The following SLC23A1 variants were observed in gnomAD, a reference collection of about 807,000 sequenced individuals.
SLC23A1 encodes solute carrier family 23 member 1, also known as Na(+)/L-ascorbic acid transporter 1.
A neutral mutation model predicts 62.5 loss-of-function variants in SLC23A1; 31 were observed. The observed-to-expected ratio is 0.50, with a 90% CI of 0.37 to 0.67. The LOEUF (loss-of-function observed/expected upper bound fraction) is 0.67. Among genes scored for constraint, SLC23A1 ranks in the 30% least tolerant of loss-of-function variants. The pLI is 0.00. For synonymous variants in SLC23A1, 271 were observed against 313.2 expected (o/e 0.87, Z 1.42); for missense variants, 640 against 782.7 (o/e 0.82, Z 2.18).
In SLC23A1 at chr5:139,378,208, C is replaced by T. The variant is rs1201411145; in HGVS notation, c.1309+14G>A. Reference sequence around the variant, plus strand: ...GACCCGCACCGCGACCCGTGGCCCGCGCCAGACACTCACCAAAGAGAGTGC... The same window carrying T: ...GACCCGCACCGCGACCCGTGGCCCGTGCCAGACACTCACCAAAGAGAGTGC... On this transcript the variant is annotated intron_variant, in intron 11 of 14. Transcript: ENST00000348729. The surrounding 1 kb of genome is among the most constrained non-coding windows in gnomAD (Gnocchi z 4.5). 6.2e-7 allele frequency: 1 copy of T among 1,612,986 alleles called. No individual in the cohort carries two copies. Among genetic ancestry groups the T allele is most frequent in the Non-Finnish European group, 8.5e-7 (1 of 1,179,582 alleles).
At chr5:139,384,347 A>G, upstream of SLC23A1, 1 of 1,281,146 alleles carries the variant, frequency 7.8e-7, no homozygotes, top group Non-Finnish European at 1.0e-6. Context: ...AGCACTCTAG[A>G]GCCCACCTAC....
At chr5:139,377,544 G>C (rs1758005516) in intron 12 of SLC23A1, 47 bp from the exon 13 acceptor site, 1 of 980,576 alleles carries the variant, frequency 1.0e-6, no homozygotes, top group Non-Finnish European at 1.7e-6. Context: ...CCAATCTGGA[G>C]AGCAGAGTTG....
At chr5:139,382,277 T>C (rs1451967345) in intron 2 of SLC23A1, 1 of 602,026 alleles carries the variant, frequency 1.7e-6, no homozygotes, top group East Asian at 2.8e-5. Flanking sequence ...CTCTGCTCCC[T>C]GTCACCAACA....
chr5:139,383,308 AG>A, upstream of SLC23A1: 1 of 1,597,760 alleles, frequency 6.3e-7, no homozygotes, highest in Non-Finnish European at 8.5e-7. Context: ...GACTTGACAA[AG>A]GCCAAGGAGG....
At position 139,378,732 on chromosome 5, in the gene SLC23A1, C is replaced by T. The variant is rs1189324776; in HGVS notation, c.1074-48G>A. On this transcript the variant is annotated intron_variant, in intron 9 of 14. Transcript: ENST00000348729. This position sits in a 1 kb window ranked among gnomAD's most constrained non-coding sequence, Gnocchi z 4.5. ...GGCTTGGTCCAGCCTCTGCACCAGT[C>T]TGTGTTCCCCCATCATCTTAGCAAG... 1 of 1,370,544 alleles carries T rather than the reference C, an allele frequency of 7.3e-7. No homozygotes were observed. The highest frequency in any genetic ancestry group is 1.0e-6 in the Non-Finnish European group (1 of 979,274). 84.9% of individuals were successfully genotyped at this position (1,370,544 alleles called of 1,614,324 possible).
rs1275179006 is a variant in SLC23A1 at position 139,379,469 on chromosome 5, G to A, written c.926-115C>T. On this transcript the variant is annotated intron_variant, in intron 8 of 14. Coordinates refer to ENST00000348729, the MANE Select transcript of SLC23A1 (RefSeq NM_005847.5). This position sits in a 1 kb window ranked among gnomAD's most constrained non-coding sequence, Gnocchi z 4.7. ...AGATCAGGAGACCTCAGGCTGGGAT[G>A]GGAGCTATACAGTTGTGGGAGCTTA... 3 of 1,136,286 alleles carry A rather than the reference G, an allele frequency of 2.6e-6. No homozygotes were observed. The highest frequency in any genetic ancestry group is 3.9e-6 in the Non-Finnish European group (3 of 764,292). 70.4% of individuals were successfully genotyped at this position (1,136,286 alleles called of 1,614,324 possible).
intron 4 of SLC23A1, 25 bp from the exon 5 acceptor site, chr5:139,380,657 A>G: frequency 6.3e-7 from 1 of 1,577,520 alleles, no homozygotes; most frequent in Non-Finnish European, 8.7e-7. Context: ...AGGGATACAC[A>G]CACGGACCAG....
rs373077693 is a variant in SLC23A1 at position 139,378,539 on chromosome 5, C to T, written c.1179+40G>A. ...GAGTTGGGGCGGGGCCTGCGGCCCA[C>T]GGAATTAGGGCAGGATTTGGCTCTG... On this transcript the variant is annotated intron_variant, in intron 10 of 14. Coordinates refer to ENST00000348729, the MANE Select transcript of SLC23A1 (RefSeq NM_005847.5). This position sits in a 1 kb window ranked among gnomAD's most constrained non-coding sequence, Gnocchi z 4.5. 128 of 1,496,026 alleles carry T rather than the reference C, an allele frequency of 8.6e-5. No homozygotes were observed. In the African/African-American group the frequency reaches 1.5e-3, roughly 17 times the overall value. 92.7% of individuals were successfully genotyped at this position (1,496,026 alleles called of 1,614,324 possible). A position where few individuals can be genotyped will look rare whatever the true frequency, so the allele number is the denominator to read the frequency against.
In SLC23A1 at chr5:139,375,104, A is replaced by T. The variant is rs540417074; in HGVS notation, c.1549+2298T>A. On this transcript the variant is annotated intron_variant, in intron 13 of 14. Transcript: ENST00000348729. ...AGAGACAGCCTCTGACACCTATGTT[A>T]TGTGAACATGAACACTTGGATCTTG... Among the ~76,000 whole-genome samples, 4 of 152,350 alleles carry T rather than the reference A, an allele frequency of 2.6e-5. No homozygotes were observed. The East Asian group carries it at 5.8e-4, about 22-fold the overall frequency.
intron 13 of SLC23A1, among the ~76,000 whole-genome samples, chr5:139,376,234 A>ATC (rs1757939761): frequency 6.9e-6 from 1 of 145,520 alleles, no homozygotes; most frequent in African/African-American, 2.6e-5. Flanking sequence ...CAATGGCACG[A>ATC]TCTCGGCCCA....
intron 14 of SLC23A1, among the ~76,000 whole-genome samples, chr5:139,368,263 C>T (rs2152058737): frequency 6.6e-6 from 1 of 151,982 alleles, no homozygotes. Context: ...TGGTGTGAAC[C>T]CGGGAGGCGG....
upstream of SLC23A1, chr5:139,384,517 C>T: frequency 7.8e-7 from 1 of 1,289,762 alleles, no homozygotes; most frequent in Non-Finnish European, 1.0e-6. Context: ...TCCCTCTTGG[C>T]TACTGCTCCC....
At chr5:139,374,829 A>C (rs1167678958) in intron 13 of SLC23A1, among the ~76,000 whole-genome samples, 2 of 152,266 alleles carry the variant, frequency 1.3e-5, no homozygotes, top group East Asian at 3.9e-4. Context: ...ATGCCTACCC[A>C]GATGCTCTCC....
At chr5:139,371,142 GC>G (rs1757644453) in intron 14 of SLC23A1, among the ~76,000 whole-genome samples, 1 of 152,124 alleles carries the variant, frequency 6.6e-6, no homozygotes, top group Non-Finnish European at 1.5e-5. Context: ...GTGATCATGG[GC>G]ATATCACTTA....
In SLC23A1 at chr5:139,378,539, C is replaced by G. The variant is rs373077693; in HGVS notation, c.1179+40G>C. On this transcript the variant is annotated intron_variant, in intron 10 of 14. Coordinates refer to ENST00000348729, the MANE Select transcript of SLC23A1 (RefSeq NM_005847.5). The surrounding 1 kb of genome is among the most constrained non-coding windows in gnomAD (Gnocchi z 4.5). Reference sequence around the variant, plus strand: ...GAGTTGGGGCGGGGCCTGCGGCCCACGGAATTAGGGCAGGATTTGGCTCTG... The same window carrying G: ...GAGTTGGGGCGGGGCCTGCGGCCCAGGGAATTAGGGCAGGATTTGGCTCTG... 1 of 1,495,910 alleles carries G rather than the reference C, an allele frequency of 6.7e-7. No homozygotes were observed. Among genetic ancestry groups the G allele is most frequent in the African/African-American group, 1.4e-5 (1 of 72,012 alleles). The allele number at this position is 1,495,910 out of a possible 1,614,324, so 92.7% of individuals were successfully genotyped here.
chr5:139,373,026 G>C (rs1757761389), intron 13 of SLC23A1, among the ~76,000 whole-genome samples: 1 of 152,138 alleles, frequency 6.6e-6, no homozygotes, highest in Admixed American at 6.5e-5. Context: ...GGCATATTTT[G>C]AAACACTATA....
At position 139,379,370 on chromosome 5, in the gene SLC23A1, G is replaced by C. The variant is rs1343454226; in HGVS notation, c.926-16C>G. On this transcript the variant is annotated splice_polypyrimidine_tract_variant and intron_variant, in intron 8 of 14. Transcript: ENST00000348729. This position sits in a 1 kb window ranked among gnomAD's most constrained non-coding sequence, Gnocchi z 4.7. ...CCCCACTGACCTGTGCTCGGAGGGA[G>C]ACAGGATGGTGGCTACAGTGAGGAG... 5 of 1,613,020 alleles carry C rather than the reference G, an allele frequency of 3.1e-6. No homozygotes were observed. The highest frequency in any genetic ancestry group is 4.2e-6 in the Non-Finnish European group (5 of 1,178,972).
At chr5:139,370,828 C>T (rs994634012) in intron 14 of SLC23A1, among the ~76,000 whole-genome samples, 1 of 152,006 alleles carries the variant, frequency 6.6e-6, no homozygotes, top group Admixed American at 6.6e-5. Context: ...CGGTGGCTCA[C>T]GCCTGTAATC....
chr5:139,372,412 A>G (rs1444747802), intron 13 of SLC23A1, among the ~76,000 whole-genome samples, 159 bp from the exon 14 acceptor site: 2 of 152,174 alleles, frequency 1.3e-5, no homozygotes, highest in Admixed American at 1.3e-4. Flanking sequence ...TGAGCTCCTA[A>G]CTTGGCCAGA....
Sources: allele counts gnomAD v4.1 joint callset (sites outside exome capture counted in the v4.1 genomes callset), GRCh38; gene constraint gnomAD v4.1.1; non-coding constraint Gnocchi (gnomAD v3.1); transcripts MANE v1.5; gene names NCBI Gene and HGNC (gene_info 2026-07-23, HGNC 2026-07-21).